NUP214: variants seen among roughly 807,000 people sequenced by gnomAD.
The protein encoded by NUP214 is nuclear pore complex protein Nup214.
A neutral mutation model predicts 196.2 loss-of-function variants in NUP214; 79 were observed. The observed-to-expected ratio is 0.40, with a 90% CI of 0.34 to 0.49. The LOEUF is 0.49. Ranked by LOEUF, NUP214 falls within the 20% of genes least tolerant of loss-of-function variation. The pLI is 0.58. For missense variants in NUP214, 2,468 were observed against 2,539.0 expected (o/e 0.97, Z 0.60); for synonymous variants, 1,020 against 990.5 (o/e 1.03, Z -0.56).
Position 131,150,351 on chromosome 9 carries a change from G to C in NUP214, c.2068G>C (p.Glu690Gln). 1 of 1,614,166 alleles carries C rather than the reference G, an allele frequency of 6.2e-7. No individual in the cohort carries two copies. Among genetic ancestry groups the C allele is most frequent in the Non-Finnish European group, 8.5e-7 (1 of 1,180,020 alleles). The change falls in exon 15 of 36, where the codon GAA (glutamate) becomes CAA (glutamine). Residue 690 changes from glutamate (E) to glutamine (Q), a missense_variant. Physicochemically the swap from Glu to Gln is conservative, Grantham distance 29. Around this residue, in one of 5 missense-constraint regions of NUP214, gnomAD observed 1,801 missense variants for 1,779.4 expected, o/e 1.01. Transcript: ENST00000359428. ...QAKSLQPAVA[E>Q]KQGHQWKDSD... is the part of the protein sequence containing the mutation. ...AAAGTCACTTCAGCCTGCTGTTGCA[G>C]AAAAGCAGGGACATCAGTGGAAAGA...
intron 14 of NUP214, among the ~76,000 whole-genome samples, chr9:131,148,325 AT>A (rs1441224171): frequency 6.6e-6 from 1 of 152,138 alleles, no homozygotes; most frequent in Non-Finnish European, 1.5e-5. Context: ...GTTGTATGGA[AT>A]TTATTGTGTG....
intron 30 of NUP214, 67 bp from the exon 31 acceptor site, chr9:131,215,145 G>T: frequency 7.2e-7 from 1 of 1,386,690 alleles, no homozygotes; most frequent in Non-Finnish European, 9.5e-7. Flanking sequence ...TCCTGCCCAC[G>T]GATGCAGCCT....
chr9:131,229,702 G>T (rs1834820900), intron 33 of NUP214: 1 of 518,760 alleles, frequency 1.9e-6, no homozygotes, highest in Non-Finnish European at 3.8e-6. Context: ...TGAAGGGCAG[G>T]CTGTTGCTGA....
chr9:131,170,226 T>C (rs1423974571), intron 21 of NUP214, among the ~76,000 whole-genome samples: 1 of 152,142 alleles, frequency 6.6e-6, no homozygotes, highest in Non-Finnish European at 1.5e-5. Context: ...GGAGAATCGC[T>C]TGAACCCGGG....
chr9:131,178,683 C>T (rs558300274), intron 24 of NUP214, among the ~76,000 whole-genome samples: 2 of 149,390 alleles, frequency 1.3e-5, no homozygotes, highest in East Asian at 4.0e-4. Flanking sequence ...CTGTGTGGTA[C>T]ACATTAGGTG....
chr9:131,175,581 C>G lies in NUP214; in HGVS notation c.3279C>G (p.Ala1093=), dbSNP rs771263989. 2 of 1,614,158 alleles carry G rather than the reference C, an allele frequency of 1.2e-6. No homozygotes were observed. The highest frequency in any genetic ancestry group is 3.3e-5 in the Admixed American group (2 of 60,026). ...CCATCTCAGCCCCGCAGGCAGCTGC[C>G]GCAGCAGCACTCAGGCGGCAGATGG... ...SHPISAPQAA[A]AAALRRQMAS... Residue 1093 remains alanine, a synonymous_variant, in exon 23 of 36, where the codon GCC becomes GCG. Transcript: ENST00000359428.
intron 21 of NUP214, among the ~76,000 whole-genome samples, chr9:131,173,085 C>T (rs1833003652): frequency 6.6e-6 from 1 of 152,184 alleles, no homozygotes; most frequent in Non-Finnish European, 1.5e-5. Flanking sequence ...GAGAAGGAGT[C>T]TCACTCTGTT....
At chr9:131,219,160 AC>A (rs2131087956) in intron 31 of NUP214, among the ~76,000 whole-genome samples, 1 of 152,242 alleles carries the variant, frequency 6.6e-6, no homozygotes, top group Non-Finnish European at 1.5e-5. Context: ...ACCACTTCTT[AC>A]AACAGTGCTT....
At chr9:131,151,329 G>T (rs150929578) in intron 16 of NUP214, among the ~76,000 whole-genome samples, 1 of 152,144 alleles carries the variant, frequency 6.6e-6, no homozygotes, top group African/African-American at 2.4e-5. Flanking sequence ...CTGAGGCTTA[G>T]GCAAATTTGT....
chr9:131,156,968 T>A (rs191532389), intron 17 of NUP214, among the ~76,000 whole-genome samples: 236 of 152,250 alleles, frequency 1.6e-3, no homozygotes, highest in Admixed American at 2.6e-3. Context: ...CTCAGTTTTA[T>A]TTTATTTTTT....
At chr9:131,194,723 A>G (rs1391525678) in intron 27 of NUP214, among the ~76,000 whole-genome samples, 5 of 152,204 alleles carry the variant, frequency 3.3e-5, no homozygotes, top group African/African-American at 1.2e-4. Flanking sequence ...TGACTGAGTT[A>G]GGGCTTCTAT....
intron 11 of NUP214, among the ~76,000 whole-genome samples, 187 bp downstream of exon 11, chr9:131,140,897 C>T (rs1831891241): frequency 6.6e-6 from 1 of 152,104 alleles, no homozygotes; most frequent in Non-Finnish European, 1.5e-5. Flanking sequence ...TACCCTCAAG[C>T]TTTATTCTGC....
intron 24 of NUP214, among the ~76,000 whole-genome samples, chr9:131,182,133 A>T (rs770489356): frequency 1.1e-4 from 16 of 152,368 alleles, no homozygotes; most frequent in Non-Finnish European, 2.2e-4. Context: ...AGCAATGTGA[A>T]TGTACTTAGT....
intron 18 of NUP214, among the ~76,000 whole-genome samples, chr9:131,162,198 A>G (rs942006205): frequency 4.6e-5 from 7 of 152,206 alleles, no homozygotes; most frequent in African/African-American, 1.4e-4. Flanking sequence ...GCTCTACTGT[A>G]ATCTTATAGG....
intron 18 of NUP214, 49 bp from the exon 19 acceptor site, chr9:131,162,942 C>T: frequency 6.3e-7 from 1 of 1,585,294 alleles, no homozygotes; most frequent in Non-Finnish European, 8.6e-7. Flanking sequence ...TGGGAGATTC[C>T]TTTACTTGAA....
chr9:131,156,451 ATTTG>A (rs1832447891), intron 17 of NUP214, among the ~76,000 whole-genome samples: 1 of 149,606 alleles, frequency 6.7e-6, no homozygotes, highest in Admixed American at 6.7e-5. Flanking sequence ...ATGTATTTCT[ATTTG>A]TTTGTGTCGT....
chr9:131,197,946 C>G lies in NUP214; in HGVS notation c.4452C>G (p.Ser1484=), dbSNP rs1263350822. ...TCCTGAGTTCAGCAACTACCCCCTC[C>G]CTGCCTATGTCCGCTGGCAGAAGCA... ...GSLLSSATTP[S]LPMSAGRSTE... The change falls in exon 29 of 36, where the codon TCC becomes TCG. Residue 1484 remains serine, a synonymous_variant. Coordinates refer to ENST00000359428, the MANE Select transcript of NUP214 (RefSeq NM_005085.4). 2 of 1,614,084 alleles carry G rather than the reference C, an allele frequency of 1.2e-6. No homozygotes were observed. The highest frequency in any genetic ancestry group is 1.7e-6 in the Non-Finnish European group (2 of 1,180,042).
chr9:131,192,169 CTTTTT>C lies in NUP214; in HGVS notation c.3575-17_3575-13del, dbSNP rs66652901. On this transcript the variant is annotated intron_variant, in intron 26 of 35. Transcript: ENST00000359428. ...AGTGTTTCTGTCTTTTTGTAATATT[CTTTTT>C]TTTTTTTTTTTTTTTTTTTTTCCAT... The C allele has an allele frequency of 6.2e-4, 277 of 447,114 alleles. No individual in the cohort carries two copies. In the African/African-American group the frequency reaches 6.4e-3, roughly 10 times the overall value. 27.7% of individuals were successfully genotyped at this position (447,114 alleles called of 1,614,324 possible). A position where few individuals can be genotyped will look rare whatever the true frequency, so the allele number is the denominator to read the frequency against.
chr9:131,129,473 C>G lies in NUP214; in HGVS notation c.588C>G (p.Thr196=). ...CTCTTCCTTCCACGGTAGCAGTAAC[C>G]TCTGGTGAGTAATAAAGGCTTTCAC... ...CATLPSTVAV[T]SVCWSPKGKQ... The change falls in exon 4 of 36, where the codon ACC becomes ACG. Residue 196 remains threonine (T), a synonymous_variant. Coordinates refer to ENST00000359428, the MANE Select transcript of NUP214 (RefSeq NM_005085.4). 1.2e-6 allele frequency: 2 copies of G among 1,614,008 alleles called. No individual in the cohort carries two copies. Among genetic ancestry groups the G allele is most frequent in the African/African-American group, 2.7e-5 (2 of 75,050 alleles).
Sources: gnomAD v4.1 joint callset for allele counts (sites outside exome capture counted in the v4.1 genomes callset) on GRCh38, gnomAD v4.1.1 for gene constraint, gnomAD v4.1.1 regional missense constraint, MANE v1.5 for transcripts, NCBI Gene and HGNC (gene_info 2026-07-23, HGNC 2026-07-21) for gene names.